The following HEYL variants were observed in gnomAD, a reference collection of about 807,000 sequenced individuals.
HEYL encodes the protein hes related family bHLH transcription factor with YRPW motif like.
A neutral mutation model predicts 18.6 loss-of-function variants in HEYL; 12 were observed. The observed-to-expected ratio is 0.65, with a 90% CI of 0.41 to 1.05. The LOEUF is 1.05. Among genes scored for constraint, HEYL ranks in the 50% least tolerant of loss-of-function variants. The pLI is 0.00. For synonymous variants in HEYL, 159 were observed against 179.6 expected (o/e 0.89, Z 0.91); for missense variants, 420 against 444.7 (o/e 0.94, Z 0.50).
chr1:39,636,181 A>G (rs1646361578), intron 1 of HEYL, among the ~76,000 whole-genome samples: 3 of 152,212 alleles, frequency 2.0e-5, no homozygotes, highest in African/African-American at 7.2e-5. Flanking sequence ...AAGGAAACTC[A>G]GAGGGGAAGG....
intron 4 of HEYL, among the ~76,000 whole-genome samples, chr1:39,629,079 A>T (rs1465834677): frequency 6.6e-6 from 1 of 152,230 alleles, no homozygotes; most frequent in Non-Finnish European, 1.5e-5. Context: ...CCCGATTCAA[A>T]TCTAAAGCCT....
At chr1:39,627,516 T>C (rs565523077) in intron 4 of HEYL, among the ~76,000 whole-genome samples, 7 of 152,364 alleles carry the variant, frequency 4.6e-5, no homozygotes, top group South Asian at 2.1e-4. Flanking sequence ...TTGACAGATA[T>C]GAAAGGTTAT....
intron 1 of HEYL, among the ~76,000 whole-genome samples, chr1:39,635,457 T>C (rs1646357550): frequency 6.6e-6 from 1 of 152,240 alleles, no homozygotes; most frequent in African/African-American, 2.4e-5. Flanking sequence ...GACGCACCCA[T>C]TTCAGGGCAA....
intron 4 of HEYL, among the ~76,000 whole-genome samples, chr1:39,629,127 C>T (rs1557737228): frequency 6.6e-6 from 1 of 152,212 alleles, no homozygotes; most frequent in African/African-American, 2.4e-5. Flanking sequence ...CATTAGTTCA[C>T]AGTCAGAAAA....
At position 39,632,730 on chromosome 1, in the gene HEYL, A is replaced by C. The variant is rs753442906; in HGVS notation, c.81-15T>G. 1.1e-5 allele frequency: 18 copies of C among 1,613,790 alleles called. No homozygotes were observed. The highest frequency in any genetic ancestry group is 2.7e-5 in the African/African-American group (2 of 74,936). On this transcript the variant is annotated splice_polypyrimidine_tract_variant and intron_variant, in intron 1 of 4. Coordinates refer to ENST00000372852, the MANE Select transcript of HEYL (RefSeq NM_014571.4). ...TGGCCATCTGGCTGGAAAGGAAAAG[A>C]AAAGCTGATTTTTCAGGGCTGGGGG...
intron 2 of HEYL, among the ~76,000 whole-genome samples, chr1:39,632,186 C>G (rs1646337025): frequency 6.6e-6 from 1 of 152,206 alleles, no homozygotes; most frequent in South Asian, 2.1e-4. Flanking sequence ...ACTCCCAGTG[C>G]AGAAACACAG....
Position 39,623,684 on chromosome 1 carries a change from T to C in HEYL, c.*2823A>G, listed in dbSNP as rs372439881. ...AAGTAAAGTAGTCGAGGAAGGCCTC[T>C]TGGACGAGGCAACGTTGAAGCCAAG... On this transcript the variant is annotated 3_prime_UTR_variant, in exon 5 of 5. Transcript: ENST00000372852. 6.6e-6 allele frequency among the ~76,000 whole-genome samples: 1 copy of C among 152,224 alleles called. No individual in the cohort carries two copies. The highest frequency in any genetic ancestry group is 2.4e-5 in the African/African-American group (1 of 41,458).
chr1:39,626,355 G>A lies in HEYL; in HGVS notation c.*152C>T, dbSNP rs1646296721. ...GGGATAACAGTGAGAAGGAGAGATGGGTTGGAGGAGGAGGGGGCCTCTGAT... is the reference window on the plus strand; with the variant it reads ...GGGATAACAGTGAGAAGGAGAGATGAGTTGGAGGAGGAGGGGGCCTCTGAT... On this transcript the variant is annotated 3_prime_UTR_variant, in exon 5 of 5. Coordinates refer to ENST00000372852, the MANE Select transcript of HEYL (RefSeq NM_014571.4). 19 of 640,636 alleles carry A rather than the reference G, an allele frequency of 3.0e-5. No homozygotes were observed. Among genetic ancestry groups the A allele is most frequent in the Non-Finnish European group, 5.0e-5 (19 of 381,332 alleles). The allele number at this position is 640,636 out of a possible 1,614,324, so 39.7% of individuals were successfully genotyped here.
intron 3 of HEYL, 142 bp downstream of exon 3, chr1:39,631,354 T>C (rs1411604783): frequency 2.9e-6 from 2 of 688,490 alleles, no homozygotes; most frequent in Non-Finnish European, 5.1e-6. Flanking sequence ...CCATTCCTTT[T>C]ACCCTGGCCA....
At chr1:39,639,496 C>A in intron 1 of HEYL, 50 bp downstream of exon 1, 1 of 1,480,326 alleles carries the variant, frequency 6.8e-7, no homozygotes, top group Non-Finnish European at 9.1e-7. Flanking sequence ...CGGGCCGACC[C>A]CCACCCCGCT....
intron 1 of HEYL, 37 bp downstream of exon 1, chr1:39,639,509 C>T (rs1159780341): frequency 1.4e-5 from 22 of 1,530,934 alleles, no homozygotes; most frequent in Non-Finnish European, 1.8e-5. Flanking sequence ...ACCCCGCTCG[C>T]CCTCCGCCTG....
rs1570437856 is a variant in HEYL at position 39,626,944 on chromosome 1, G to A, written c.550C>T (p.Pro184Ser). Reference sequence around the variant, plus strand: ...TGGTTGCTCAGGGCTGGCAGCCCTGGACAGCTATGGAAGAAAGACCAGGGC... The same window carrying A: ...TGGTTGCTCAGGGCTGGCAGCCCTGAACAGCTATGGAAGAAAGACCAGGGC... Reference protein sequence around the residue: ...AWPWSFFHSCPGLPALSNQLA... With the variant: ...AWPWSFFHSCSGLPALSNQLA... Residue 184 changes from proline (P) to serine (S), a missense_variant, in exon 5 of 5, where the codon CCA (proline) becomes TCA (serine). By Grantham distance (74) the Pro-to-Ser change is moderately conservative. Transcript: ENST00000372852. 1 of 1,613,822 alleles carries A rather than the reference G, an allele frequency of 6.2e-7. No homozygotes were observed. Among genetic ancestry groups the A allele is most frequent in the Non-Finnish European group, 8.5e-7 (1 of 1,179,742 alleles).
chr1:39,634,355 A>G (rs528179694), intron 1 of HEYL, among the ~76,000 whole-genome samples: 1 of 152,312 alleles, frequency 6.6e-6, no homozygotes, highest in South Asian at 2.1e-4. Context: ...TTGGCCTCCC[A>G]AAGTGCTGGG....
chr1:39,637,794 C>T (rs1162509047), intron 1 of HEYL, among the ~76,000 whole-genome samples: 1 of 152,166 alleles, frequency 6.6e-6, no homozygotes, highest in Non-Finnish European at 1.5e-5. Flanking sequence ...TTCAAGAAGC[C>T]CTCCTTGCCA....
Position 39,625,961 on chromosome 1 carries a change from G to A in HEYL, c.*546C>T, listed in dbSNP as rs1044086727. 6.5e-6 allele frequency: 1 copy of A among 152,682 alleles called. No individual in the cohort carries two copies. Among genetic ancestry groups the A allele is most frequent in the Admixed American group, 6.5e-5 (1 of 15,310 alleles). The allele number at this position is 152,682 out of a possible 1,614,324, so 9.5% of individuals were successfully genotyped here. A position where few individuals can be genotyped will look rare whatever the true frequency, so the allele number is the denominator to read the frequency against. On this transcript the variant is annotated 3_prime_UTR_variant, in exon 5 of 5. Transcript: ENST00000372852. ...GGTTCAGTGTGATGGTGTGGCCCAA[G>A]GACAGGTGGGAAGGGGCAGACAGGG...
chr1:39,632,752 G>T, intron 1 of HEYL, 37 bp from the exon 2 acceptor site: 1 of 1,612,270 alleles, frequency 6.2e-7, no homozygotes, highest in Non-Finnish European at 8.5e-7. Context: ...TTCAGGGCTG[G>T]GGGACAGTCT....
chr1:39,632,854 C>T, intron 1 of HEYL, 139 bp from the exon 2 acceptor site: 1 of 1,506,150 alleles, frequency 6.6e-7, no homozygotes, highest in South Asian at 1.3e-5. Context: ...GGGCTCATTT[C>T]AACCCGGGTC....
chr1:39,623,747 G>A lies in HEYL; in HGVS notation c.*2760C>T, dbSNP rs1461079924. Among the ~76,000 whole-genome samples the A allele has an allele frequency of 6.6e-6, 1 of 152,250 alleles. No individual in the cohort carries two copies. The highest frequency in any genetic ancestry group is 1.9e-4 in the East Asian group (1 of 5,202). Reference sequence around the variant, plus strand: ...GCAGAACTCAGCCATGCACAGGGTAGGGGAAGAGCATTCTTGGCAAAGGGA... The same window carrying A: ...GCAGAACTCAGCCATGCACAGGGTAAGGGAAGAGCATTCTTGGCAAAGGGA... On this transcript the variant is annotated 3_prime_UTR_variant, in exon 5 of 5. Transcript: ENST00000372852.
chr1:39,630,120 T>A (rs1646323921), intron 4 of HEYL, 107 bp downstream of exon 4: 2 of 864,726 alleles, frequency 2.3e-6, no homozygotes, highest in Non-Finnish European at 4.0e-6. Flanking sequence ...TTGACTGAGC[T>A]CCTCAGAGTG....
Sources: allele counts gnomAD v4.1 joint callset (sites outside exome capture counted in the v4.1 genomes callset), GRCh38; gene constraint gnomAD v4.1.1; transcripts MANE v1.5; gene names NCBI Gene and HGNC (gene_info 2026-07-23, HGNC 2026-07-21).